CCN4: variants seen among roughly 807,000 people sequenced by gnomAD.
CCN4 encodes cellular communication network factor 4, also known as CCN family member 4.
A neutral mutation model predicts 36.7 loss-of-function variants in CCN4; 30 were observed. That is an observed-to-expected ratio of 0.82 (90% CI 0.61 to 1.11). CCN4 has a LOEUF of 1.11. Ranked by LOEUF, CCN4 falls within the 50% of genes least tolerant of loss-of-function variation. CCN4 has a pLI of 0.00. For synonymous variants in CCN4, 191 were observed against 195.4 expected (o/e 0.98, Z 0.19); for missense variants, 505 against 504.9 (o/e 1.00, Z 0.00).
intron 1 of CCN4, among the ~76,000 whole-genome samples, chr8:133,198,719 C>T (rs1030681389): frequency 6.6e-6 from 1 of 152,210 alleles, no homozygotes; most frequent in African/African-American, 2.4e-5. Context: ...TTCTTGCCCA[C>T]GTGGAGGGAA....
At chr8:133,215,357 G>A (rs1050142208) in intron 2 of CCN4, among the ~76,000 whole-genome samples, 3 of 152,096 alleles carry the variant, frequency 2.0e-5, no homozygotes, top group African/African-American at 7.2e-5. Context: ...AACCTGGCCT[G>A]GACTTCTTAC....
intron 1 of CCN4, among the ~76,000 whole-genome samples, chr8:133,210,148 T>C (rs1168542296): frequency 6.6e-6 from 1 of 152,144 alleles, no homozygotes; most frequent in East Asian, 1.9e-4. Context: ...CTGTGCTGTG[T>C]TTCAGGCGCA....
chr8:133,221,141 T>C (rs1854511627), intron 3 of CCN4, among the ~76,000 whole-genome samples: 1 of 152,054 alleles, frequency 6.6e-6, no homozygotes, highest in African/African-American at 2.4e-5. Flanking sequence ...GGATGGGTGG[T>C]GGAAGAAGGG....
At position 133,227,840 on chromosome 8, in the gene CCN4, T is replaced by G; in HGVS notation, c.*130T>G. The G allele has an allele frequency of 9.5e-7, 1 of 1,051,032 alleles. No homozygotes were observed. The highest frequency in any genetic ancestry group is 1.3e-6 in the Non-Finnish European group (1 of 741,620). 65.1% of individuals were successfully genotyped at this position (1,051,032 alleles called of 1,614,324 possible). A position where few individuals can be genotyped will look rare whatever the true frequency, so the allele number is the denominator to read the frequency against. On this transcript the variant is annotated 3_prime_UTR_variant, in exon 5 of 5. Transcript: ENST00000250160. ...GACCCTTGGCCTCCATTTCTGTCTC[T>G]AACCATTCAAATGACGCCTGATGGT...
intron 1 of CCN4, among the ~76,000 whole-genome samples, chr8:133,197,521 T>TC (rs568233413): frequency 2.0e-5 from 3 of 151,228 alleles, no homozygotes; most frequent in Admixed American, 2.0e-4. Flanking sequence ...GACTCTAGTC[T>TC]CCCCCCCAGC....
chr8:133,225,963 T>C (rs1351439887), intron 4 of CCN4, among the ~76,000 whole-genome samples: 1 of 152,170 alleles, frequency 6.6e-6, no homozygotes, highest in Non-Finnish European at 1.5e-5. Flanking sequence ...TAAATGAGGC[T>C]CAGGACCCCT....
chr8:133,195,728 T>C (rs930291844), intron 1 of CCN4, among the ~76,000 whole-genome samples: 1 of 152,188 alleles, frequency 6.6e-6, no homozygotes, highest in African/African-American at 2.4e-5. Context: ...AAACGCTACC[T>C]TGTGGGCTGA....
intron 2 of CCN4, among the ~76,000 whole-genome samples, chr8:133,213,543 A>AT (rs1854145121): frequency 6.6e-6 from 1 of 152,028 alleles, no homozygotes; most frequent in South Asian, 2.1e-4. Flanking sequence ...AAATTAAAAA[A>AT]TATGGTTTTA....
chr8:133,193,235 G>GA (rs1191608872), intron 1 of CCN4, among the ~76,000 whole-genome samples: 2 of 152,204 alleles, frequency 1.3e-5, no homozygotes, highest in Non-Finnish European at 2.9e-5. Flanking sequence ...GATCTTAATG[G>GA]AAAAAATTGT....
intron 3 of CCN4, among the ~76,000 whole-genome samples, chr8:133,222,665 A>G (rs895900659): frequency 6.6e-6 from 1 of 151,662 alleles, no homozygotes; most frequent in African/African-American, 2.4e-5. Context: ...GTTGGGATGT[A>G]TGAAGAAAAC....
intron 1 of CCN4, among the ~76,000 whole-genome samples, chr8:133,209,818 T>C (rs1853930711): frequency 6.6e-6 from 1 of 152,162 alleles, no homozygotes; most frequent in Non-Finnish European, 1.5e-5. Context: ...TGCCAGGCCC[T>C]ACCTAGTGCT....
intron 2 of CCN4, among the ~76,000 whole-genome samples, chr8:133,219,953 T>G (rs1260676362): frequency 2.6e-5 from 4 of 152,182 alleles, no homozygotes; most frequent in Admixed American, 6.5e-5. Flanking sequence ...AACATTTTTT[T>G]CTAAACAGGG....
chr8:133,191,237 A>T (rs1305823614), intron 1 of CCN4, 24 bp downstream of exon 1: 1 of 1,599,540 alleles, frequency 6.3e-7, no homozygotes. Flanking sequence ...GGAGGGGCTC[A>T]GAGGGAGACC....
intron 3 of CCN4, among the ~76,000 whole-genome samples, chr8:133,221,448 G>GTGGA (rs898920074): frequency 2.0e-5 from 3 of 152,160 alleles, no homozygotes; most frequent in Non-Finnish European, 4.4e-5. Context: ...AGATGGGCGG[G>GTGGA]TGGATGGATG....
At chr8:133,203,610 G>C (rs1451013630) in intron 1 of CCN4, among the ~76,000 whole-genome samples, 1 of 152,188 alleles carries the variant, frequency 6.6e-6, no homozygotes, top group African/African-American at 2.4e-5. Context: ...GATGAAACAA[G>C]CTCAGAGCAG....
At chr8:133,207,197 C>T (rs930182507) in intron 1 of CCN4, among the ~76,000 whole-genome samples, 4 of 152,268 alleles carry the variant, frequency 2.6e-5, no homozygotes, top group African/African-American at 9.6e-5. Context: ...TCCCAACCCT[C>T]ACTCTTCAGC....
intron 1 of CCN4, among the ~76,000 whole-genome samples, chr8:133,202,507 A>G (rs998705124): frequency 1.3e-5 from 2 of 152,208 alleles, no homozygotes; most frequent in African/African-American, 2.4e-5. Context: ...TATCTGGAAA[A>G]AAAACCTGGC....
intron 1 of CCN4, among the ~76,000 whole-genome samples, chr8:133,206,680 C>T (rs1853786030): frequency 1.3e-5 from 2 of 152,146 alleles, no homozygotes; most frequent in South Asian, 4.1e-4. Context: ...CAGTGAGTAG[C>T]CTTCGAGGGA....
intron 1 of CCN4, among the ~76,000 whole-genome samples, chr8:133,197,526 C>G (rs528089730): frequency 2.6e-4 from 40 of 152,158 alleles, no homozygotes; most frequent in Non-Finnish European, 4.1e-4. Flanking sequence ...TAGTCTCCCC[C>G]CCAGCTCTGA....
Sources: allele counts gnomAD v4.1 joint callset (sites outside exome capture counted in the v4.1 genomes callset), GRCh38; gene constraint gnomAD v4.1.1; transcripts MANE v1.5; gene names NCBI Gene and HGNC (gene_info 2026-07-23, HGNC 2026-07-21).